TEX264: variants seen among roughly 807,000 people sequenced by gnomAD.
TEX264 encodes the protein testis-expressed protein 264.
A neutral mutation model predicts 23.4 loss-of-function variants in TEX264; 13 were observed. The ratio of observed to expected loss-of-function variants is 0.56; its 90% CI spans 0.36 to 0.88. The LOEUF is 0.88. TEX264 is among the 40% of genes least tolerant of loss of function. The probability of loss-of-function intolerance (pLI) is 0.01; values close to 1 mark genes in which losing one functional copy is unlikely to be tolerated. For missense variants in TEX264, 340 were observed against 406.8 expected (o/e 0.84, Z 1.41); for synonymous variants, 159 against 170.0 (o/e 0.94, Z 0.50).
intron 1 of TEX264, among the ~76,000 whole-genome samples, chr3:51,673,171 G>A (rs1236452498): frequency 6.6e-6 from 1 of 152,156 alleles, no homozygotes; most frequent in Non-Finnish European, 1.5e-5. Flanking sequence ...GGCCTTTTTA[G>A]CTTCAAAACC....
rs1222936922 is a variant in TEX264, at chr3:51,691,644, G to GAGGAGCAAGAGTTTGGGCCT, written c.480+7012_480+7031dup. Among the ~76,000 whole-genome samples, 13 of 152,170 alleles carry GAGGAGCAAGAGTTTGGGCCT rather than the reference G, an allele frequency of 8.5e-5. No individual in the cohort carries two copies. The highest frequency in any genetic ancestry group is 8.5e-4 in the Admixed American group (13 of 15,282). ...TATCCAGTGAGGCTGGAGTACAGGA[G>GAGGAGCAAGAGTTTGGGCCT]AGGAGCAAGAGTTTGGGCCTAAGAG... On this transcript the variant is annotated intron_variant, in intron 3 of 4. Transcript: ENST00000341333. The surrounding 1 kb of genome is among the most constrained non-coding windows in gnomAD (Gnocchi z 4.4).
intron 2 of TEX264, among the ~76,000 whole-genome samples, chr3:51,678,857 G>A (rs1702322479): frequency 6.6e-6 from 1 of 152,200 alleles, no homozygotes; most frequent in Admixed American, 6.5e-5. Flanking sequence ...CTGGGAAGGG[G>A]TGAGGGAGTA....
intron 2 of TEX264, among the ~76,000 whole-genome samples, chr3:51,677,803 C>G (rs1444937820): frequency 1.3e-5 from 2 of 152,098 alleles, no homozygotes; most frequent in Non-Finnish European, 2.9e-5. Context: ...GCCCTGGAGT[C>G]CTGTATGGGA....
chr3:51,686,399 G>A lies in TEX264; in HGVS notation c.480+1765G>A, dbSNP rs904881401. On this transcript the variant is annotated intron_variant, in intron 3 of 4. Coordinates refer to ENST00000341333, the MANE Select transcript of TEX264 (RefSeq NM_015926.6). The surrounding 1 kb of genome is among the most constrained non-coding windows in gnomAD (Gnocchi z 4.1). ...AGCAGCTTGGGGAAAGGGACACAGC[G>A]TTGATGATGGAAATGGGAGTTCAGA... 1.3e-5 allele frequency among the ~76,000 whole-genome samples: 2 copies of A among 152,194 alleles called. No homozygotes were observed. Among genetic ancestry groups the A allele is most frequent in the Admixed American group, 6.5e-5 (1 of 15,290 alleles).
chr3:51,696,655 A>G (rs1398447903), intron 3 of TEX264, among the ~76,000 whole-genome samples: 1 of 152,184 alleles, frequency 6.6e-6, no homozygotes, highest in Non-Finnish European at 1.5e-5. Flanking sequence ...CAGAGCATGC[A>G]AGGGAGAGCA....
At position 51,703,001 on chromosome 3, in the gene TEX264, G is replaced by C. The variant is rs995871946; in HGVS notation, c.650-723G>C. 2.4e-4 allele frequency among the ~76,000 whole-genome samples: 37 copies of C among 152,202 alleles called. No individual in the cohort carries two copies. Among genetic ancestry groups the C allele is most frequent in the African/African-American group, 8.4e-4 (35 of 41,450 alleles). ...GGAAGCACCAGTCATTGGGGGTGGG[G>C]TGGGTAAGGGTTTCTCAGGGTCGAC... On this transcript the variant is annotated intron_variant, in intron 4 of 4. Coordinates refer to ENST00000341333, the MANE Select transcript of TEX264 (RefSeq NM_015926.6). This position sits in a 1 kb window ranked among gnomAD's most constrained non-coding sequence, Gnocchi z 4.8.
Position 51,684,548 on chromosome 3 carries a change from G to T in TEX264, c.394G>T (p.Val132Leu). 1.2e-6 allele frequency: 2 copies of T among 1,614,066 alleles called. No individual in the cohort carries two copies. Among genetic ancestry groups the T allele is most frequent in the South Asian group, 1.1e-5 (1 of 91,080 alleles). The change falls in exon 3 of 5, where the codon GTG becomes TTG. Residue 132 changes from valine to leucine, a missense_variant. Physicochemically the swap from Val to Leu is conservative, Grantham distance 32. Coordinates refer to ENST00000341333, the MANE Select transcript of TEX264 (RefSeq NM_015926.6). Reference sequence around the variant, plus strand: ...CTCCTTCCCGGCACCCAGCCATGTGGTGACAGCCACCTTCCCCTACACCAC... The same window carrying T: ...CTCCTTCCCGGCACCCAGCCATGTGTTGACAGCCACCTTCCCCTACACCAC... ...VFSFPAPSHV[V>L]TATFPYTTIL...
At chr3:51,695,581 T>C (rs1429456410) in intron 3 of TEX264, among the ~76,000 whole-genome samples, 1 of 152,204 alleles carries the variant, frequency 6.6e-6, no homozygotes, top group African/African-American at 2.4e-5. Flanking sequence ...AAAGACCTGC[T>C]GGGGAGGCAC....
chr3:51,691,207 A>G lies in TEX264; in HGVS notation c.480+6573A>G, dbSNP rs1361243641. On this transcript the variant is annotated intron_variant, in intron 3 of 4. Transcript: ENST00000341333. This position sits in a 1 kb window ranked among gnomAD's most constrained non-coding sequence, Gnocchi z 4.4. ...GCAGGCCTTGGGAACTGCTCTGGGCACAGGAAGCAGCTGCTGCAGGCACCT... is the reference window on the plus strand; with the variant it reads ...GCAGGCCTTGGGAACTGCTCTGGGCGCAGGAAGCAGCTGCTGCAGGCACCT... Among the ~76,000 whole-genome samples the G allele has an allele frequency of 2.6e-5, 4 of 152,200 alleles. No individual in the cohort carries two copies. The highest frequency in any genetic ancestry group is 2.9e-5 in the Non-Finnish European group (2 of 68,032).
chr3:51,684,168 G>A (rs1240751661), intron 2 of TEX264: 4 of 540,426 alleles, frequency 7.4e-6, no homozygotes, highest in Non-Finnish European at 1.3e-5. Context: ...TGATCCCTGG[G>A]TTTCCACAGG....
chr3:51,698,865 G>A (rs1325414686), intron 3 of TEX264, among the ~76,000 whole-genome samples: 1 of 152,196 alleles, frequency 6.6e-6, no homozygotes, highest in Non-Finnish European at 1.5e-5. Flanking sequence ...CTTGTTCAGG[G>A]TCTATAGTAG....
intron 4 of TEX264, 108 bp downstream of exon 4, chr3:51,699,682 G>C: frequency 1.5e-6 from 2 of 1,326,902 alleles, no homozygotes; most frequent in Non-Finnish European, 2.1e-6. Context: ...CACTGTGGGT[G>C]TCAGGCTATG....
Position 51,686,292 on chromosome 3 carries a change from G to A in TEX264, c.480+1658G>A, listed in dbSNP as rs1702617549. Among the ~76,000 whole-genome samples, 1 of 152,198 alleles carries A rather than the reference G, an allele frequency of 6.6e-6. No individual in the cohort carries two copies. Among genetic ancestry groups the A allele is most frequent in the Admixed American group, 6.5e-5 (1 of 15,284 alleles). On this transcript the variant is annotated intron_variant, in intron 3 of 4. Coordinates refer to ENST00000341333, the MANE Select transcript of TEX264 (RefSeq NM_015926.6). The surrounding 1 kb of genome is among the most constrained non-coding windows in gnomAD (Gnocchi z 4.1). ...CTGCGCAGAGGGCGTGGCCAGTGTGGCAGGGGTCAGGGAACAGGACGAGAG... is the reference window on the plus strand; with the variant it reads ...CTGCGCAGAGGGCGTGGCCAGTGTGACAGGGGTCAGGGAACAGGACGAGAG...
At chr3:51,693,617 C>G (rs972173759) in intron 3 of TEX264, among the ~76,000 whole-genome samples, 5 of 151,766 alleles carry the variant, frequency 3.3e-5, no homozygotes, top group Middle Eastern at 3.4e-3. Context: ...GTAGCTGGGA[C>G]TACAAGCATC....
intron 3 of TEX264, among the ~76,000 whole-genome samples, chr3:51,696,370 G>A (rs1703057222): frequency 6.6e-6 from 1 of 152,168 alleles, no homozygotes; most frequent in Non-Finnish European, 1.5e-5. Flanking sequence ...GCTCCCTGGG[G>A]CTAACTGAGG....
chr3:51,680,428 T>C (rs935666174), intron 2 of TEX264, among the ~76,000 whole-genome samples: 1 of 152,218 alleles, frequency 6.6e-6, no homozygotes, highest in African/African-American at 2.4e-5. Context: ...GGGCCAGCCT[T>C]GGGACTAGCT....
At chr3:51,694,045 T>TCCTTCCTTCCTTCCTC (rs1702942792) in intron 3 of TEX264, among the ~76,000 whole-genome samples, 1 of 117,370 alleles carries the variant, frequency 8.5e-6, no homozygotes, top group African/African-American at 3.3e-5. Context: ...CTTCCTTCCT[T>TCCTTCCTTCCTTCCTC]CCTCCCTTCC....
At chr3:51,673,397 G>T (rs911852662) in intron 1 of TEX264, among the ~76,000 whole-genome samples, 4 of 152,196 alleles carry the variant, frequency 2.6e-5, no homozygotes, top group African/African-American at 9.6e-5. Flanking sequence ...TCACAGACTG[G>T]CCTCTGTGTT....
At chr3:51,684,352 A>G in intron 2 of TEX264, 61 bp from the exon 3 acceptor site, 1 of 1,493,700 alleles carries the variant, frequency 6.7e-7, no homozygotes, top group South Asian at 1.2e-5. Context: ...TCCCAGGAGG[A>G]AGGAGGTCTG....
Sources: gnomAD v4.1 joint callset for allele counts (sites outside exome capture counted in the v4.1 genomes callset) on GRCh38, gnomAD v4.1.1 for gene constraint, Gnocchi (gnomAD v3.1) non-coding constraint, MANE v1.5 for transcripts, NCBI Gene and HGNC (gene_info 2026-07-23, HGNC 2026-07-21) for gene names.